Variants in PLOD2 observed in about 807,000 individuals in gnomAD.
PLOD2 encodes procollagen-lysine,2-oxoglutarate 5-dioxygenase 2.
Under a neutral mutation model 101.0 loss-of-function variants are expected in PLOD2, and 65 were observed. The observed-to-expected ratio is 0.64, with a 90% CI of 0.53 to 0.79. PLOD2 has a LOEUF of 0.79. PLOD2 is among the 30% of genes least tolerant of loss of function. PLOD2 has a pLI of 0.00. For missense variants in PLOD2, 909 were observed against 914.6 expected, an observed-to-expected ratio of 0.99 and a Z score of 0.08; for synonymous variants, 314 against 302.9, an observed-to-expected ratio of 1.04 and a Z score of -0.38.
intron 1 of PLOD2, among the ~76,000 whole-genome samples, chr3:146,131,800 C>A (rs766834152): frequency 6.6e-6 from 1 of 152,054 alleles, no homozygotes; most frequent in Non-Finnish European, 1.5e-5. Flanking sequence ...AAAACTATGA[C>A]GAACTGAAGG....
intron 1 of PLOD2, among the ~76,000 whole-genome samples, chr3:146,137,292 A>G (rs2031286068): frequency 6.6e-6 from 1 of 152,162 alleles, no homozygotes; most frequent in South Asian, 2.1e-4. Flanking sequence ...CCACATTCAC[A>G]AAAACTCTCC....
chr3:146,151,571 G>A (rs1407643857), intron 1 of PLOD2, among the ~76,000 whole-genome samples: 1 of 152,142 alleles, frequency 6.6e-6, no homozygotes, highest in Non-Finnish European at 1.5e-5. Flanking sequence ...ATCTGACGAG[G>A]CTCAAGAATC....
chr3:146,092,370 A>G (rs1937004948), intron 7 of PLOD2, among the ~76,000 whole-genome samples: 1 of 152,038 alleles, frequency 6.6e-6, no homozygotes, highest in African/African-American at 2.4e-5. Flanking sequence ...AACGCCACAC[A>G]AAATAAATAC....
intron 1 of PLOD2, among the ~76,000 whole-genome samples, chr3:146,150,129 AC>A (rs2031988424): frequency 1.3e-5 from 2 of 152,108 alleles, no homozygotes; most frequent in South Asian, 4.1e-4. Context: ...CTCAACAATA[AC>A]CTCCATGGCT....
chr3:146,107,643 T>C lies in PLOD2; in HGVS notation c.503-999A>G, dbSNP rs868447849. Among the ~76,000 whole-genome samples, 382 of 130,534 alleles carry C rather than the reference T, an allele frequency of 2.9e-3. 3 individuals are homozygous for C. The highest frequency in any genetic ancestry group is 0.011 in the African/African-American group (366 of 34,538). The allele number at this position is 130,534 out of a possible 152,430, so 85.6% of individuals were successfully genotyped here. A position where few individuals can be genotyped will look rare whatever the true frequency, so the allele number is the denominator to read the frequency against. ...ATAAATTTTTTTTTTTTTTTTTTTT[T>C]TTTTTTTTTTGGAGACAGAGTCTCG... On this transcript the variant is annotated intron_variant, in intron 4 of 19. Transcript: ENST00000282903.
intron 1 of PLOD2, among the ~76,000 whole-genome samples, chr3:146,151,860 C>T (rs2032072907): frequency 6.6e-6 from 1 of 152,082 alleles, no homozygotes; most frequent in Non-Finnish European, 1.5e-5. Context: ...AATAAATACT[C>T]CAATTATTTT....
At chr3:146,089,853 G>A (rs7431590) in intron 8 of PLOD2, among the ~76,000 whole-genome samples, 76,123 of 151,072 alleles carry the variant, frequency 0.5, 19,232 homozygotes, top group East Asian at 0.56. Context: ...GAGATGATGC[G>A]TTTCATTTAA....
chr3:146,117,461 T>C (rs566685071), intron 3 of PLOD2, among the ~76,000 whole-genome samples: 108 of 152,258 alleles, frequency 7.1e-4, no homozygotes, highest in African/African-American at 2.5e-3. Flanking sequence ...GTATAAACTT[T>C]TTAAAAAGGG....
At chr3:146,110,589 C>A in intron 3 of PLOD2, 141 bp from the exon 4 acceptor site, 1 of 576,128 alleles carries the variant, frequency 1.7e-6, no homozygotes, top group Non-Finnish European at 2.9e-6. Flanking sequence ...ACACAGAACA[C>A]CAAACAAAAT....
At position 146,083,602 on chromosome 3, in the gene PLOD2, G is replaced by A. The variant is rs1164343924; in HGVS notation, c.1232+1567C>T. On this transcript the variant is annotated intron_variant, in intron 11 of 19. Transcript: ENST00000282903. ...CTTTTTTTTTTTTTTTTTTTTTTGA[G>A]ACGGAGTCTCGCTGTGTCGCCCAGG... Among the ~76,000 whole-genome samples the A allele has an allele frequency of 7.4e-5, 9 of 122,162 alleles. No individual in the cohort carries two copies. The South Asian group carries it at 1.9e-3, about 26-fold the overall frequency. The allele number at this position is 122,162 out of a possible 152,430, so 80.1% of individuals were successfully genotyped here. A position where few individuals can be genotyped will look rare whatever the true frequency, so the allele number is the denominator to read the frequency against.
intron 15 of PLOD2, among the ~76,000 whole-genome samples, chr3:146,074,302 G>A (rs4681112): frequency 0.48 from 72,092 of 151,236 alleles, 17,316 homozygotes; most frequent in East Asian, 0.56. Context: ...TTTACAAAGT[G>A]CAAATACAGA....
At chr3:146,125,639 T>C (rs9822426) in intron 1 of PLOD2, among the ~76,000 whole-genome samples, 78,251 of 151,610 alleles carry the variant, frequency 0.52, 20,289 homozygotes, top group Middle Eastern at 0.56. Context: ...CCCAGCTACT[T>C]AAGAGGCTGA....
chr3:146,078,140 T>C (rs1476757498), intron 13 of PLOD2, among the ~76,000 whole-genome samples: 2 of 151,740 alleles, frequency 1.3e-5, no homozygotes, highest in African/African-American at 4.8e-5. Flanking sequence ...GGAGGTGTGG[T>C]GGGGTCAAAC....
intron 7 of PLOD2, among the ~76,000 whole-genome samples, chr3:146,093,295 C>T (rs531999020): frequency 2.0e-4 from 30 of 152,294 alleles, no homozygotes; most frequent in South Asian, 4.1e-4. Flanking sequence ...TTAATCTCTA[C>T]AGCAAAATTA....
chr3:146,095,898 C>G (rs1298162017), intron 7 of PLOD2, among the ~76,000 whole-genome samples: 11 of 144,962 alleles, frequency 7.6e-5, no homozygotes, highest in South Asian at 2.2e-4. Context: ...CCCTCTCCCC[C>G]CTCCCCCCTC....
chr3:146,071,262 T>G lies in PLOD2; in HGVS notation c.1995+15A>C, dbSNP rs1576567990. On this transcript the variant is annotated intron_variant, in intron 18 of 19. Transcript: ENST00000282903. ...ATGGGTAAGAAATAGGCTGGAGGGGTGAGAGGATAACTACCTTCGTATAAT... is the reference window on the plus strand; with the variant it reads ...ATGGGTAAGAAATAGGCTGGAGGGGGGAGAGGATAACTACCTTCGTATAAT... 1 of 1,611,622 alleles carries G rather than the reference T, an allele frequency of 6.2e-7. No homozygotes were observed. The highest frequency in any genetic ancestry group is 8.5e-7 in the Non-Finnish European group (1 of 1,178,430).
chr3:146,118,797 C>T (rs1422063503), intron 3 of PLOD2, among the ~76,000 whole-genome samples: 1 of 152,060 alleles, frequency 6.6e-6, no homozygotes, highest in Non-Finnish European at 1.5e-5. Context: ...TAATGTCTCA[C>T]TTGTATTTAT....
At chr3:146,071,448 TA>T in intron 17 of PLOD2, 25 bp from the exon 18 acceptor site, 1 of 1,606,600 alleles carries the variant, frequency 6.2e-7, no homozygotes. Context: ...AATGACATAA[TA>T]AGCTGTACTC....
chr3:146,127,823 C>T (rs1043192206), intron 1 of PLOD2, among the ~76,000 whole-genome samples: 1 of 152,094 alleles, frequency 6.6e-6, no homozygotes, highest in Admixed American at 6.6e-5. Context: ...TACCATTTCA[C>T]ACCAGTCAGA....
Sources: gnomAD v4.1 joint callset for allele counts (sites outside exome capture counted in the v4.1 genomes callset) on GRCh38, gnomAD v4.1.1 for gene constraint, MANE v1.5 for transcripts, NCBI Gene and HGNC (gene_info 2026-07-23, HGNC 2026-07-21) for gene names.